Variants in ZNF682 observed in about 807,000 individuals in gnomAD.
ZNF682 encodes zinc finger protein 682.
ZNF682 carries 29 observed loss-of-function variants against 36.5 expected under a neutral mutation model. That is an observed-to-expected ratio of 0.80 (90% CI 0.59 to 1.08). The LOEUF is 1.08. Among genes scored for constraint, ZNF682 ranks in the 50% least tolerant of loss-of-function variants. The pLI is 0.00. For synonymous variants in ZNF682, 180 were observed against 197.0 expected (o/e 0.91, Z 0.72); for missense variants, 561 against 579.7 (o/e 0.97, Z 0.33).
chr19:20,031,019 T>C (rs1244393434), intron 1 of ZNF682: 1 of 152,262 alleles, frequency 6.6e-6, no homozygotes, highest in Admixed American at 6.5e-5. Context: ...CAACCTCAAA[T>C]GTCTCAAAGA....
intron 3 of ZNF682, among the ~76,000 whole-genome samples, chr19:20,014,959 C>T (rs1038498382): frequency 2.0e-5 from 3 of 151,992 alleles, no homozygotes; most frequent in Non-Finnish European, 4.4e-5. Context: ...AAGGGTCAGT[C>T]AAGGGGGAAA....
At chr19:20,039,301 A>C (rs1255369735) in intron 1 of ZNF682, 42 bp downstream of exon 1, 2 of 1,609,590 alleles carry the variant, frequency 1.2e-6, no homozygotes, top group South Asian at 2.2e-5. Context: ...GGTTTCAACC[A>C]GCCCTGCCCC....
rs764035720 is a variant in ZNF682, at chr19:20,007,144, C to G, written c.358G>C (p.Val120Leu). Residue 120 changes from valine to leucine, a missense_variant, in exon 4 of 4, where the codon GTG becomes CTG. By Grantham distance (32) the Val-to-Leu change is conservative. Transcript: ENST00000397165. ...TCTTTTTGATCCTTACACTCACCCA[C>G]ATTTTCCCCATCCTTCCTTAAGTGT... ...DLHLRKDGEN[V>L]GECKDQKEIY... The G allele has an allele frequency of 6.2e-7, 1 of 1,613,628 alleles. No homozygotes were observed. Among genetic ancestry groups the G allele is most frequent in the Non-Finnish European group, 8.5e-7 (1 of 1,180,010 alleles).
At chr19:19,997,271 G>A in intron 3 of ZNF682, 1 of 398,580 alleles carries the variant, frequency 2.5e-6, no homozygotes, top group Non-Finnish European at 4.4e-6. Context: ...TACCTGAAAT[G>A]GAAATGAGCT....
chr19:20,024,158 T>C, intron 2 of ZNF682, 92 bp downstream of exon 2: 12 of 1,492,086 alleles, frequency 8.0e-6, no homozygotes, highest in Non-Finnish European at 1.1e-5. Flanking sequence ...AACTCATTTA[T>C]ACAAAGCAGA....
In ZNF682 at chr19:20,006,652, G is replaced by GT. The variant is rs750096535; in HGVS notation, c.849dup (p.Pro284ThrfsTer5). On this transcript the variant is annotated frameshift_variant, in exon 4 of 4. Transcript: ENST00000397165. LOFTEE classifies it high-confidence loss of function. ...CTGCCACAGTCTTCACATGTATAGGGTTTTTCTCCTGTATGAATTTTCTTA... is the reference window on the plus strand; with the variant it reads ...CTGCCACAGTCTTCACATGTATAGGGTTTTTTCTCCTGTATGAATTTTCTTA... The GT allele has an allele frequency of 6.8e-6, 11 of 1,613,980 alleles. No homozygotes were observed. Among genetic ancestry groups the GT allele is most frequent in the Non-Finnish European group, 9.3e-6 (11 of 1,179,996 alleles).
At chr19:19,999,544 T>A (rs148819978), downstream of ZNF682, among the ~76,000 whole-genome samples, 2 of 152,248 alleles carry the variant, frequency 1.3e-5, no homozygotes, top group East Asian at 3.9e-4. Flanking sequence ...TCTTTCTTTT[T>A]TTTTTTTCTT....
chr19:20,038,673 C>A lies in ZNF682; in HGVS notation c.3+670G>T, dbSNP rs141475097. Among the ~76,000 whole-genome samples, 13 of 148,610 alleles carry A rather than the reference C, an allele frequency of 8.7e-5. 1 individual carries two copies. Among genetic ancestry groups the A allele is most frequent in the Admixed American group, 8.1e-4 (12 of 14,870 alleles). ...TGTAAATTGCTACCTTAGGGGGAAA[C>A]AAAATTCAGATTTTTCAGATTTAAG... On this transcript the variant is annotated intron_variant, in intron 1 of 3. Transcript: ENST00000397165.
At chr19:19,999,832 C>T (rs1481904635), downstream of ZNF682, among the ~76,000 whole-genome samples, 1 of 151,730 alleles carries the variant, frequency 6.6e-6, no homozygotes, top group Admixed American at 6.6e-5. Context: ...CTGCACCCAG[C>T]CTACACCATA....
At chr19:19,995,563 C>A (rs986410853), downstream of ZNF682, among the ~76,000 whole-genome samples, 2 of 152,102 alleles carry the variant, frequency 1.3e-5, no homozygotes, top group South Asian at 4.1e-4. Flanking sequence ...TCTGAAACAG[C>A]GCGGGATGAA....
chr19:20,017,145 A>C (rs1233130401), intron 3 of ZNF682, among the ~76,000 whole-genome samples: 3 of 152,194 alleles, frequency 2.0e-5, no homozygotes, highest in Non-Finnish European at 4.4e-5. Flanking sequence ...GTAAGAGAGG[A>C]AATGAGGGAA....
intron 1 of ZNF682, among the ~76,000 whole-genome samples, chr19:20,037,235 C>T (rs372691673): frequency 5.9e-5 from 9 of 152,030 alleles, no homozygotes; most frequent in African/African-American, 1.9e-4. Flanking sequence ...AAAAGGCAAA[C>T]GAGGGAAAGT....
intron 1 of ZNF682, among the ~76,000 whole-genome samples, chr19:20,027,707 C>T (rs1162505256): frequency 1.3e-5 from 2 of 151,750 alleles, no homozygotes; most frequent in African/African-American, 4.8e-5. Context: ...TGTGGTGAGC[C>T]GAGATCGCAC....
Position 20,005,875 on chromosome 19 carries a change from T to TC in ZNF682, c.*129dup, listed in dbSNP as rs1269272894. On this transcript the variant is annotated 3_prime_UTR_variant, in exon 4 of 4. Coordinates refer to ENST00000397165, the MANE Select transcript of ZNF682 (RefSeq NM_033196.3). ...AGCTGTCAGCAATGGTTGAAGACTT[T>TC]CCCCACATTCTTCACATTTGTAGTG... 4.3e-6 allele frequency: 4 copies of TC among 931,976 alleles called. No individual in the cohort carries two copies. In the African/African-American group the frequency reaches 6.6e-5, roughly 15 times the overall value. 57.7% of individuals were successfully genotyped at this position (931,976 alleles called of 1,614,324 possible). A position where few individuals can be genotyped will look rare whatever the true frequency, so the allele number is the denominator to read the frequency against.
chr19:20,002,610 G>A (rs1046276289), downstream of ZNF682, among the ~76,000 whole-genome samples: 1 of 152,158 alleles, frequency 6.6e-6, no homozygotes, highest in Non-Finnish European at 1.5e-5. Context: ...TTAACAGGAT[G>A]TCCACTGAAT....
At chr19:20,012,332 G>A (rs1368290614) in intron 3 of ZNF682, among the ~76,000 whole-genome samples, 4 of 151,932 alleles carry the variant, frequency 2.6e-5, no homozygotes, top group Non-Finnish European at 5.9e-5. Flanking sequence ...TAGATCACTA[G>A]CTAAGTTAAC....
At chr19:20,014,957 G>A (rs1385856798) in intron 3 of ZNF682, among the ~76,000 whole-genome samples, 2 of 152,166 alleles carry the variant, frequency 1.3e-5, no homozygotes, top group African/African-American at 4.8e-5. Flanking sequence ...TAAAGGGTCA[G>A]TCAAGGGGGA....
rs538192030 is a variant in ZNF682, at chr19:20,010,927, T to C, written c.227-3652A>G. Reference sequence around the variant, plus strand: ...TTGCAGTAAGCCGAGATCGTGCCACTTCACTCCAGCCTGCCAACAGAGCGA... The same window carrying C: ...TTGCAGTAAGCCGAGATCGTGCCACCTCACTCCAGCCTGCCAACAGAGCGA... On this transcript the variant is annotated intron_variant, in intron 3 of 3. Coordinates refer to ENST00000397165, the MANE Select transcript of ZNF682 (RefSeq NM_033196.3). Among the ~76,000 whole-genome samples, 62 of 152,074 alleles carry C rather than the reference T, an allele frequency of 4.1e-4. 1 individual carries two copies. The highest frequency in any genetic ancestry group is 1.4e-3 in the African/African-American group (59 of 41,468).
At chr19:20,010,009 G>A (rs1466607506) in intron 3 of ZNF682, among the ~76,000 whole-genome samples, 5 of 150,998 alleles carry the variant, frequency 3.3e-5, no homozygotes, top group South Asian at 2.1e-4. Flanking sequence ...CACAGAGCGA[G>A]ACTCCATCTC....
Sources: allele counts gnomAD v4.1 joint callset (sites outside exome capture counted in the v4.1 genomes callset), GRCh38; gene constraint gnomAD v4.1.1; transcripts MANE v1.5; gene names NCBI Gene and HGNC (gene_info 2026-07-23, HGNC 2026-07-21).